The following MUC4 variants were observed in gnomAD, a reference collection of about 807,000 sequenced individuals.
MUC4 encodes the protein mucin 4, cell surface associated.
A neutral mutation model predicts 257.9 loss-of-function variants in MUC4; 202 were observed. The observed-to-expected ratio is 0.78, with a 90% CI of 0.70 to 0.88. MUC4 has a LOEUF of 0.88. MUC4 is among the 40% of genes least tolerant of loss of function. The pLI is 0.00. For missense variants in MUC4, 5,976 were observed against 6,513.7 expected (o/e 0.92, Z 2.84); for synonymous variants, 2,351 against 2,757.1 (o/e 0.85, Z 4.62).
Position 195,747,284 on chromosome 3 carries a change from C to T in MUC4, c.16131G>A (p.Leu5377=), listed in dbSNP as rs774193456. The T allele has an allele frequency of 2.5e-6, 4 of 1,614,116 alleles. No individual in the cohort carries two copies. The highest frequency in any genetic ancestry group is 3.3e-5 in the Admixed American group (2 of 60,012). The change falls in exon 25 of 25, where the codon CTG becomes CTA. Residue 5377 remains leucine (L), a synonymous_variant. Transcript: ENST00000463781. ...CGACCCCCAGCAGCAAGAGGCCGCCCAGGGCCCCAAAGAAGATGCCGAAGA... is the reference window on the plus strand; with the variant it reads ...CGACCCCCAGCAGCAAGAGGCCGCCTAGGGCCCCAAAGAAGATGCCGAAGA... ...DAFFGIFFGA[L]GGLLLLGVGT...
At chr3:195,797,172 G>A (rs1242338154) in intron 1 of MUC4, among the ~76,000 whole-genome samples, 3 of 152,046 alleles carry the variant, frequency 2.0e-5, no homozygotes, top group Non-Finnish European at 2.9e-5. Context: ...AGGAGGCTGA[G>A]GCACGAGAAT....
Position 195,779,968 on chromosome 3 carries a change from G to C in MUC4, c.11612C>G (p.Thr3871Ser), listed in dbSNP as rs1480379082. Reference sequence around the variant, plus strand: ...GGAAAGGCCGGTAACAGGAAGAGGGGTGGCGTGACCTGTGGATGCTGAGGA... The same window carrying C: ...GGAAAGGCCGGTAACAGGAAGAGGGCTGGCGTGACCTGTGGATGCTGAGGA... Reference protein sequence around the residue: ...SPSSASTGHATPLPVTGLSSA... With the variant: ...SPSSASTGHASPLPVTGLSSA... The change falls in exon 2 of 25, where the codon ACC (threonine) becomes AGC (serine). Residue 3871 changes from threonine to serine, a missense_variant. Physicochemically the swap from Thr to Ser is moderately conservative, Grantham distance 58 (BLOSUM62 1). This residue lies in a region of MUC4 where 330 missense variants were observed against 262.0 expected (regional missense o/e 1.26). Coordinates refer to ENST00000463781, the MANE Select transcript of MUC4 (RefSeq NM_018406.7). 1 of 1,448,808 alleles carries C rather than the reference G, an allele frequency of 6.9e-7. No individual in the cohort carries two copies. Among genetic ancestry groups the C allele is most frequent in the Admixed American group, 2.1e-5 (1 of 46,696 alleles). 89.7% of individuals were successfully genotyped at this position (1,448,808 alleles called of 1,614,324 possible). A position where few individuals can be genotyped will look rare whatever the true frequency, so the allele number is the denominator to read the frequency against.
In MUC4 at chr3:195,782,625, TGCTG is replaced by T. The variant is rs774456075; in HGVS notation, c.8951_8954del (p.Ser2984TyrfsTer19). 1.1e-6 allele frequency: 1 copy of T among 897,252 alleles called. No homozygotes were observed. Among genetic ancestry groups the T allele is most frequent in the Admixed American group, 2.7e-5 (1 of 36,494 alleles). The allele number at this position is 897,252 out of a possible 1,614,324, so 55.6% of individuals were successfully genotyped here. ...GAAGAAGGGTGGCGTGACCTGTGGA[TGCTG>T]AGGAAGTGTCGGTGTCAGGAAGAGG... On this transcript the variant is annotated frameshift_variant, in exon 2 of 25. Coordinates refer to ENST00000463781, the MANE Select transcript of MUC4 (RefSeq NM_018406.7). LOFTEE classifies it high-confidence loss of function.
At chr3:195,756,645 T>C (rs772169094) in intron 18 of MUC4, among the ~76,000 whole-genome samples, 1 of 9,066 alleles carries the variant, frequency 1.1e-4, no homozygotes, top group Non-Finnish European at 3.8e-4. Flanking sequence ...CTTCTTTCTT[T>C]CTTTTCTTTT....
rs370221916 is a variant in MUC4, at chr3:195,780,860, G to C, written c.10720C>G (p.Leu3574Val). ...GTGTCACCTGTGGATACTGAGGAAA[G>C]GCTGGTGACAGGAAGAGGGGTGGCC... ...GQATPLPVTSLSSVSTGDTTP... is the reference protein window; with the variant it reads ...GQATPLPVTSVSSVSTGDTTP... Residue 3574 changes from leucine to valine, a missense_variant, in exon 2 of 25, where the codon CTT (leucine) becomes GTT (valine). This residue lies in a region of MUC4 where 59 missense variants were observed against 149.8 expected (regional missense o/e 0.39). Transcript: ENST00000463781. The C allele has an allele frequency of 6.7e-6, 7 of 1,042,390 alleles. 1 individual carries two copies. Among genetic ancestry groups the C allele is most frequent in the Non-Finnish European group, 8.2e-6 (7 of 852,950 alleles). The allele number at this position is 1,042,390 out of a possible 1,614,324, so 64.6% of individuals were successfully genotyped here.
chr3:195,747,532 G>A (rs2148733361), intron 24 of MUC4, 152 bp from the exon 25 acceptor site: 1 of 965,740 alleles, frequency 1.0e-6, no homozygotes, highest in African/African-American at 1.6e-5. Flanking sequence ...CCGTGCTGAA[G>A]TGAGACCACT....
Position 195,788,312 on chromosome 3 carries a change from G to T in MUC4, c.3268C>A (p.Pro1090Thr). 2 of 1,547,912 alleles carry T rather than the reference G, an allele frequency of 1.3e-6. No individual in the cohort carries two copies. The highest frequency in any genetic ancestry group is 1.2e-5 in the South Asian group (1 of 83,944). ...SASTGDTTPL[P>T]VTDTSSASTG... ...GATGCTGAGGAAGTGTCAGTGACAG[G>T]AAGAGGGGTGGTGTCACCTGTGGAT... The change falls in exon 2 of 25, where the codon CCT (proline) becomes ACT (threonine). Residue 1090 changes from proline (P) to threonine (T), a missense_variant. Physicochemically the swap from Pro to Thr is conservative, Grantham distance 38. Around this residue, in one of 44 missense-constraint regions of MUC4, gnomAD observed 68 missense variants for 90.4 expected, o/e 0.75. Coordinates refer to ENST00000463781, the MANE Select transcript of MUC4 (RefSeq NM_018406.7).
chr3:195,789,587 T>C lies in MUC4; in HGVS notation c.1993A>G (p.Thr665Ala). Reference protein sequence around the residue: ...VSPMTDTKTVTTPGSSFTASG... With the variant: ...VSPMTDTKTVATPGSSFTASG... Reference sequence around the variant, plus strand: ...GCTGTGAAGGAAGAACCTGGGGTGGTGACTGTCTTGGTGTCAGTCATGGGG... The same window carrying C: ...GCTGTGAAGGAAGAACCTGGGGTGGCGACTGTCTTGGTGTCAGTCATGGGG... The change falls in exon 2 of 25, where the codon ACC becomes GCC. Residue 665 changes from threonine (T) to alanine (A), a missense_variant. Physicochemically the swap from Thr to Ala is moderately conservative, Grantham distance 58 (BLOSUM62 0). This residue lies in a region of MUC4 where 1,583 missense variants were observed against 1,257.4 expected (regional missense o/e 1.26). Coordinates refer to ENST00000463781, the MANE Select transcript of MUC4 (RefSeq NM_018406.7). The C allele has an allele frequency of 1.2e-6, 2 of 1,613,928 alleles. No homozygotes were observed. The highest frequency in any genetic ancestry group is 1.7e-6 in the Non-Finnish European group (2 of 1,179,870).
chr3:195,783,654 A>G lies in MUC4; in HGVS notation c.7926T>C (p.Leu2642=). 1 of 374,926 alleles carries G rather than the reference A, an allele frequency of 2.7e-6. No individual in the cohort carries two copies. Among genetic ancestry groups the G allele is most frequent in the Non-Finnish European group, 4.6e-6 (1 of 218,954 alleles). 23.2% of individuals were successfully genotyped at this position (374,926 alleles called of 1,614,324 possible). The change falls in exon 2 of 25, where the codon CTT becomes CTC. Residue 2642 remains leucine, a synonymous_variant. Coordinates refer to ENST00000463781, the MANE Select transcript of MUC4 (RefSeq NM_018406.7). The part of the protein sequence containing the change: ...SASTGHATPL[L]VTDASSASTG... ...TGGATGCTGAGGAAGCGTCGGTGACAAGAAGAGGAGTGGCGTGACCTGTGG... is the reference window on the plus strand; with the variant it reads ...TGGATGCTGAGGAAGCGTCGGTGACGAGAAGAGGAGTGGCGTGACCTGTGG...
At chr3:195,767,682 CACTG>C (rs1236447314) in intron 7 of MUC4, among the ~76,000 whole-genome samples, 1 of 1,006 alleles carries the variant, frequency 9.9e-4, no homozygotes. Flanking sequence ...TCACCACCAT[CACTG>C]GCCACCCCCC....
chr3:195,790,026 T>A lies in MUC4; in HGVS notation c.1554A>T (p.Thr518=). ...CAGCTGTCCCTGTAGATGGATTTCCTGTGACAAGCCTAGTGGCAGCACCTG... is the reference window on the plus strand; with the variant it reads ...CAGCTGTCCCTGTAGATGGATTTCCAGTGACAAGCCTAGTGGCAGCACCTG... ...TSTGAATRLV[T]GNPSTGTAGT... Residue 518 remains threonine (T), a synonymous_variant, in exon 2 of 25, where the codon ACA becomes ACT. Transcript: ENST00000463781. 1 of 1,614,036 alleles carries A rather than the reference T, an allele frequency of 6.2e-7. No homozygotes were observed. Among genetic ancestry groups the A allele is most frequent in the Non-Finnish European group, 8.5e-7 (1 of 1,179,880 alleles).
At chr3:195,748,096 C>T (rs1270272758) in intron 24 of MUC4, among the ~76,000 whole-genome samples, 1 of 152,228 alleles carries the variant, frequency 6.6e-6, no homozygotes, top group African/African-American at 2.4e-5. Flanking sequence ...CCCAGGTCTG[C>T]GTGGGGCCGC....
At chr3:195,765,241 G>A (rs770900839) in intron 9 of MUC4, 29 bp downstream of exon 9, 22 of 1,594,792 alleles carry the variant, frequency 1.4e-5, no homozygotes, top group East Asian at 2.2e-5. Flanking sequence ...TGGTGGGTGG[G>A]CTTGTGGGGG....
At position 195,779,036 on chromosome 3, in the gene MUC4, T is replaced by G. The variant is rs138720131; in HGVS notation, c.12544A>C (p.Thr4182Pro). 26,246 of 538,754 alleles carry G rather than the reference T, an allele frequency of 0.049. 64 individuals are homozygous for G. Among genetic ancestry groups the G allele is most frequent in the East Asian group, 0.13 (962 of 7,258 alleles). 33.4% of individuals were successfully genotyped at this position (538,754 alleles called of 1,614,324 possible). Reference sequence around the variant, plus strand: ...GTGTCACCTGTGGATGCTGAGGAAGTGCTGGTGACAGGAAGAGGGGTGCCG... The same window carrying G: ...GTGTCACCTGTGGATGCTGAGGAAGGGCTGGTGACAGGAAGAGGGGTGCCG... ...GHGTPLPVTSTSSASTGDTTP... is the reference protein window; with the variant it reads ...GHGTPLPVTSPSSASTGDTTP... Residue 4182 changes from threonine (T) to proline (P), a missense_variant, in exon 2 of 25, where the codon ACT becomes CCT. Thr to Pro is a conservative substitution (Grantham distance 38). Transcript: ENST00000463781.
In MUC4 at chr3:195,761,469, C is replaced by G; in HGVS notation, c.14614+15G>C. 3 of 1,606,766 alleles carry G rather than the reference C, an allele frequency of 1.9e-6. No homozygotes were observed. The highest frequency in any genetic ancestry group is 2.7e-5 in the African/African-American group (2 of 74,866). ...CTCACCTGCCCCTCTGCCCCAGGAC[C>G]CTGCCCAGACTCACAGGTCATTCCA... is the stretch of plus-strand genomic sequence containing the variant. On this transcript the variant is annotated intron_variant, in intron 15 of 24. Transcript: ENST00000463781.
rs78960630 is a variant in MUC4, at chr3:195,790,349, A to G, written c.1231T>C (p.Ser411Pro). 1,517 of 1,613,906 alleles carry G rather than the reference A, an allele frequency of 9.4e-4. 3 individuals carry two copies. The highest frequency in any genetic ancestry group is 1.2e-3 in the Non-Finnish European group (1,390 of 1,179,810). ...GAAATGGTTCCACTTACAGATAGTG[A>G]TGTCTCCTCTGTGTTTCCAAGAGTA... ...DSTLGNTEETSLSVSGTISAI... is the reference protein window; with the variant it reads ...DSTLGNTEETPLSVSGTISAI... Residue 411 changes from serine (S) to proline (P), a missense_variant, in exon 2 of 25, where the codon TCA (serine) becomes CCA (proline). By Grantham distance (74) the Ser-to-Pro change is moderately conservative. Around this residue, in one of 44 missense-constraint regions of MUC4, gnomAD observed 1,583 missense variants for 1,257.4 expected, o/e 1.26. Transcript: ENST00000463781.
rs1444092841 is a variant in MUC4 at position 195,779,692 on chromosome 3, G to C, written c.11888C>G (p.Thr3963Arg). 2 of 1,234,512 alleles carry C rather than the reference G, an allele frequency of 1.6e-6. No individual in the cohort carries two copies. Among genetic ancestry groups the C allele is most frequent in the Admixed American group, 5.2e-5 (2 of 38,162 alleles). 76.5% of individuals were successfully genotyped at this position (1,234,512 alleles called of 1,614,324 possible). ...GACAGGAAGAGAGGTGGCGTGACCT[G>C]TGGATACTGAGGAAGTGTCGGTGAC... ...LPVTDTSSVS[T>R]GHATSLPVTS... The change falls in exon 2 of 25, where the codon ACA (threonine) becomes AGA (arginine). Residue 3963 changes from threonine to arginine, a missense_variant. Transcript: ENST00000463781.
Position 195,789,223 on chromosome 3 carries a change from T to C in MUC4, c.2357A>G (p.Gln786Arg). 6.2e-7 allele frequency: 1 copy of C among 1,613,864 alleles called. No individual in the cohort carries two copies. The highest frequency in any genetic ancestry group is 1.1e-5 in the South Asian group (1 of 91,078). ...CCCTGAGGAGGCCGGTTCGCTGGTC[T>C]GTGTTTGTCCAGAGGCCTCTGTGCT... ...AESTEASGQT[Q>R]TSEPASSGSR... Residue 786 changes from glutamine to arginine, a missense_variant, in exon 2 of 25, where the codon CAG becomes CGG. Physicochemically the swap from Gln to Arg is conservative, Grantham distance 43. This residue lies in a region of MUC4 where 1,583 missense variants were observed against 1,257.4 expected (regional missense o/e 1.26). Coordinates refer to ENST00000463781, the MANE Select transcript of MUC4 (RefSeq NM_018406.7).
At chr3:195,791,576 A>C (rs1733874685) in intron 1 of MUC4, 79 bp from the exon 2 acceptor site, 2 of 839,386 alleles carry the variant, frequency 2.4e-6, no homozygotes, top group Admixed American at 4.5e-5. Context: ...AATAGAATAA[A>C]ATACCTAGGA....
Sources: allele counts gnomAD v4.1 joint callset (sites outside exome capture counted in the v4.1 genomes callset), GRCh38; gene constraint gnomAD v4.1.1; regional missense constraint gnomAD v4.1.1; transcripts MANE v1.5; gene names NCBI Gene and HGNC (gene_info 2026-07-23, HGNC 2026-07-21).